PRKCH: variants seen among roughly 807,000 people sequenced by gnomAD.
The protein encoded by PRKCH is protein kinase C eta type.
PRKCH carries 28 observed loss-of-function variants against 82.5 expected under a neutral mutation model. The ratio of observed to expected loss-of-function variants is 0.34; its 90% CI spans 0.25 to 0.47. The LOEUF (loss-of-function observed/expected upper bound fraction) is 0.47. Among genes scored for constraint, PRKCH ranks in the 20% least tolerant of loss-of-function variants. PRKCH has a pLI of 1.00. For missense variants in PRKCH, 705 were observed against 881.8 expected (o/e 0.80, Z 2.54); for synonymous variants, 322 against 327.4 (o/e 0.98, Z 0.18).
intron 2 of PRKCH, among the ~76,000 whole-genome samples, chr14:61,416,710 T>C (rs1882579207): frequency 6.6e-6 from 1 of 151,910 alleles, no homozygotes; most frequent in South Asian, 2.1e-4. Flanking sequence ...CCAAGAGTGA[T>C]AGTAAGTAAA....
chr14:61,257,005 T>C (rs1020547917), intron 1 of PRKCH, among the ~76,000 whole-genome samples: 1 of 152,230 alleles, frequency 6.6e-6, no homozygotes, highest in African/African-American at 2.4e-5. Context: ...CCAAATAAAG[T>C]GCTTCCTCTG....
At chr14:61,424,731 A>C (rs1276210978) in intron 2 of PRKCH, among the ~76,000 whole-genome samples, 1 of 152,246 alleles carries the variant, frequency 6.6e-6, no homozygotes, top group Non-Finnish European at 1.5e-5. Context: ...TTAATCACCA[A>C]GACAATGGGG....
At chr14:61,307,442 G>A (rs1298870253) in intron 1 of PRKCH, among the ~76,000 whole-genome samples, 1 of 152,178 alleles carries the variant, frequency 6.6e-6, no homozygotes, top group African/African-American at 2.4e-5. Context: ...CAATAATGCT[G>A]TTTAAATCAA....
chr14:61,399,558 G>A (rs758862174), intron 2 of PRKCH, among the ~76,000 whole-genome samples: 2 of 152,172 alleles, frequency 1.3e-5, no homozygotes, highest in Non-Finnish European at 2.9e-5. Context: ...AGGAACAGGT[G>A]AGTAAGATAA....
At chr14:61,282,908 C>CT (rs370301416) in intron 1 of PRKCH, among the ~76,000 whole-genome samples, 8 of 151,982 alleles carry the variant, frequency 5.3e-5, no homozygotes, top group African/African-American at 1.4e-4. Context: ...TCCAGTCACC[C>CT]TTTTTTTCAA....
At chr14:61,253,263 T>G (rs2044963206) in intron 1 of PRKCH, among the ~76,000 whole-genome samples, 1 of 152,242 alleles carries the variant, frequency 6.6e-6, no homozygotes, top group Admixed American at 6.5e-5. Flanking sequence ...GCCTAATAGC[T>G]GGACTGTTTC....
chr14:61,195,265 A>G (rs2044432790), intron 1 of PRKCH, among the ~76,000 whole-genome samples: 1 of 152,150 alleles, frequency 6.6e-6, no homozygotes, highest in South Asian at 2.1e-4. Flanking sequence ...TATCTGTGGT[A>G]CTTTCTGTGC....
At chr14:61,330,279 CTG>C (rs753486160) in intron 1 of PRKCH, among the ~76,000 whole-genome samples, 1 of 152,242 alleles carries the variant, frequency 6.6e-6, no homozygotes, top group Non-Finnish European at 1.5e-5. Context: ...AGTTAAATGA[CTG>C]TGAACAGTCT....
chr14:61,337,152 T>G (rs2045869481), intron 1 of PRKCH, among the ~76,000 whole-genome samples: 2 of 148,308 alleles, frequency 1.3e-5, no homozygotes, highest in Admixed American at 6.7e-5. Context: ...TTTTTTTTTT[T>G]TTTTTTTTTG....
At chr14:61,302,850 G>T (rs2045457846) in intron 1 of PRKCH, among the ~76,000 whole-genome samples, 1 of 152,046 alleles carries the variant, frequency 6.6e-6, no homozygotes, top group Non-Finnish European at 1.5e-5. Flanking sequence ...TGTTTATTCT[G>T]CAGATACTAG....
intron 2 of PRKCH, among the ~76,000 whole-genome samples, chr14:61,414,946 T>G (rs1202388245): frequency 6.6e-6 from 1 of 152,202 alleles, no homozygotes; most frequent in Non-Finnish European, 1.5e-5. Flanking sequence ...GCTCTTGTGT[T>G]CTTCACTATC....
chr14:61,485,779 T>C, intron 10 of PRKCH, 123 bp downstream of exon 10: 1 of 1,345,588 alleles, frequency 7.4e-7, no homozygotes, highest in Non-Finnish European at 1.0e-6. Context: ...TCACAGAAGT[T>C]TTGTTTTGGT....
intron 1 of PRKCH, among the ~76,000 whole-genome samples, chr14:61,189,185 C>T (rs1269065041): frequency 1.3e-5 from 2 of 152,236 alleles, no homozygotes; most frequent in African/African-American, 4.8e-5. Flanking sequence ...GTCCGCGCTC[C>T]CTACAGGGGG....
chr14:61,201,030 ACTAAT>A, intron 1 of PRKCH, among the ~76,000 whole-genome samples: 1 of 152,142 alleles, frequency 6.6e-6, no homozygotes, highest in Non-Finnish European at 1.5e-5. Flanking sequence ...CATGAAGCAA[ACTAAT>A]CTATGGGATT....
intron 1 of PRKCH, among the ~76,000 whole-genome samples, chr14:61,312,675 A>T (rs866704060): frequency 1.3e-5 from 2 of 152,156 alleles, no homozygotes; most frequent in East Asian, 3.9e-4. Context: ...CAGGCAAGAG[A>T]GTGTGTACAG....
At chr14:61,380,948 T>G (rs1314268422) in intron 1 of PRKCH, among the ~76,000 whole-genome samples, 1 of 152,212 alleles carries the variant, frequency 6.6e-6, no homozygotes, top group East Asian at 1.9e-4. Context: ...CTTGAAGTAA[T>G]TCTAAGTTTA....
chr14:61,234,427 T>C (rs2044771248), intron 1 of PRKCH, among the ~76,000 whole-genome samples: 1 of 152,218 alleles, frequency 6.6e-6, no homozygotes, highest in African/African-American at 2.4e-5. Context: ...GCATCCCTCC[T>C]TAACCAGTCA....
At chr14:61,534,254 T>C (rs946147377) in intron 12 of PRKCH, among the ~76,000 whole-genome samples, 1 of 152,202 alleles carries the variant, frequency 6.6e-6, no homozygotes, top group African/African-American at 2.4e-5. Context: ...CTAATAGATA[T>C]TTGTACACCC....
intron 10 of PRKCH, among the ~76,000 whole-genome samples, chr14:61,519,317 GAAT>G (rs2042872649): frequency 8.7e-6 from 1 of 115,122 alleles, no homozygotes; most frequent in South Asian, 2.8e-4. Flanking sequence ...ATGAATGAAT[GAAT>G]AAATAAAATT....
Sources: allele counts gnomAD v4.1 joint callset (sites outside exome capture counted in the v4.1 genomes callset), GRCh38; gene constraint gnomAD v4.1.1; transcripts MANE v1.5; gene names NCBI Gene and HGNC (gene_info 2026-07-23, HGNC 2026-07-21).